IFT172: variants seen among roughly 807,000 people sequenced by gnomAD.
The protein encoded by IFT172 is intraflagellar transport protein 172 homolog.
Under a neutral mutation model 248.9 loss-of-function variants are expected in IFT172, and 164 were observed. The ratio of observed to expected loss-of-function variants is 0.66; its 90% CI spans 0.58 to 0.75. The LOEUF is 0.75. Ranked by LOEUF, IFT172 falls within the 30% of genes least tolerant of loss-of-function variation. The probability of loss-of-function intolerance (pLI) is 0.00; values close to 1 mark genes in which losing one functional copy is unlikely to be tolerated. For synonymous variants in IFT172, 729 were observed against 791.6 expected (o/e 0.92, Z 1.33); for missense variants, 1,950 against 2,192.4 (o/e 0.89, Z 2.21).
intron 20 of IFT172, 139 bp from the exon 21 acceptor site, chr2:27,461,975 G>A: frequency 2.5e-6 from 2 of 785,102 alleles, no homozygotes; most frequent in East Asian, 2.6e-5. Context: ...AGAAATACTG[G>A]GAAACTAAAA....
Position 27,454,259 on chromosome 2 carries a change from T to C in IFT172, c.3530+95A>G. The C allele has an allele frequency of 6.2e-7, 1 of 1,602,736 alleles. No individual in the cohort carries two copies. The highest frequency in any genetic ancestry group is 1.3e-5 in the African/African-American group (1 of 74,792). On this transcript the variant is annotated intron_variant, in intron 32 of 47. Coordinates refer to ENST00000260570, the MANE Select transcript of IFT172 (RefSeq NM_015662.3). The surrounding 1 kb of genome is among the most constrained non-coding windows in gnomAD (Gnocchi z 4.2). ...ATGTCACTGAGGGGTGTAACACTGA[T>C]TTGTTCTAGGTTTGAATGAAGGTCA...
intron 35 of IFT172, among the ~76,000 whole-genome samples, chr2:27,452,182 G>A (rs1175929621): frequency 1.3e-5 from 2 of 152,112 alleles, no homozygotes; most frequent in African/African-American, 4.8e-5. Flanking sequence ...ATCATTTCAA[G>A]GCATGAACAG....
At chr2:27,470,797 C>G (rs950363567) in intron 16 of IFT172, 131 bp downstream of exon 16, 1 of 881,084 alleles carries the variant, frequency 1.1e-6, no homozygotes, top group Non-Finnish European at 1.6e-6. Context: ...TAAGTCTAAG[C>G]TTTATTTGCC....
intron 16 of IFT172, among the ~76,000 whole-genome samples, chr2:27,469,299 G>A (rs1306213554): frequency 6.6e-6 from 1 of 151,996 alleles, no homozygotes; most frequent in African/African-American, 2.4e-5. Flanking sequence ...ACGCTGAGGT[G>A]GGAGAATCAC....
At chr2:27,461,974 G>T in intron 20 of IFT172, 138 bp from the exon 21 acceptor site, 1 of 788,874 alleles carries the variant, frequency 1.3e-6, no homozygotes, top group South Asian at 1.7e-5. Context: ...CAGAAATACT[G>T]GGAAACTAAA....
At chr2:27,447,735 T>C in intron 41 of IFT172, 77 bp downstream of exon 41, 1 of 1,605,062 alleles carries the variant, frequency 6.2e-7, no homozygotes, top group Non-Finnish European at 8.5e-7. Context: ...GTAAAATACA[T>C]CTGAGAATAA....
rs752345187 is a variant in IFT172, at chr2:27,445,838, G to A, written c.4821C>T (p.Ile1607=). 5.6e-6 allele frequency: 9 copies of A among 1,613,988 alleles called. No homozygotes were observed. Among genetic ancestry groups the A allele is most frequent in the East Asian group, 4.5e-5 (2 of 44,896 alleles). The change falls in exon 45 of 48, where the codon ATC becomes ATT. Residue 1607 remains isoleucine, a synonymous_variant. Coordinates refer to ENST00000260570, the MANE Select transcript of IFT172 (RefSeq NM_015662.3). The surrounding 1 kb of genome is among the most constrained non-coding windows in gnomAD (Gnocchi z 4.4). The stretch of plus-strand genomic sequence containing the variant: ...CAAGGCCATCTAGAGTCCCTTCCTC[G>A]ATTGCCTGCAGTAGAGTGGGCAACC... The part of the protein sequence containing the change: ...LNRFLDLTDA[I]EEGTLDGLDH...
intron 16 of IFT172, among the ~76,000 whole-genome samples, chr2:27,469,287 G>A (rs1347949834): frequency 6.6e-6 from 1 of 152,122 alleles, no homozygotes; most frequent in Non-Finnish European, 1.5e-5. Flanking sequence ...CAGCTTCTCA[G>A]GACGCTGAGG....
At position 27,481,155 on chromosome 2, in the gene IFT172, C is replaced by A. The variant is rs759886744; in HGVS notation, c.676G>T (p.Gly226Cys). Reference sequence around the variant, plus strand: ...TAATCAAAAGTTTGTAGCATGTGACCTTCTTTTCCATAGGCTACAATTTTC... The same window carrying A: ...TAATCAAAAGTTTGTAGCATGTGACATTCTTTTCCATAGGCTACAATTTTC... The part of the protein sequence containing the change: ...DRKIVAYGKE[G>C]HMLQTFDYSR... Residue 226 changes from glycine to cysteine, a missense_variant, in exon 8 of 48, where the codon GGT becomes TGT. Coordinates refer to ENST00000260570, the MANE Select transcript of IFT172 (RefSeq NM_015662.3). 3 of 1,613,738 alleles carry A rather than the reference C, an allele frequency of 1.9e-6. No homozygotes were observed. The South Asian group carries it at 3.3e-5, about 18-fold the overall frequency.
intron 16 of IFT172, among the ~76,000 whole-genome samples, chr2:27,469,260 G>C (rs1431799152): frequency 1.3e-5 from 2 of 152,074 alleles, no homozygotes; most frequent in Admixed American, 1.3e-4. Context: ...AGGCATGGTG[G>C]CACATGCCTG....
intron 42 of IFT172, 76 bp from the exon 43 acceptor site, chr2:27,446,431 G>T: frequency 8.0e-7 from 1 of 1,254,496 alleles, no homozygotes. Context: ...CTGTAAGGCA[G>T]CCACAGAACT....
At chr2:27,458,465 T>G (rs1183217335) in intron 26 of IFT172, among the ~76,000 whole-genome samples, 1 of 152,088 alleles carries the variant, frequency 6.6e-6, no homozygotes, top group Non-Finnish European at 1.5e-5. Flanking sequence ...ATTACCACGG[T>G]AACCACTGGA....
Position 27,445,907 on chromosome 2 carries a change from G to A in IFT172, c.4815+22C>T, listed in dbSNP as rs1341868137. ...GCGACTGGCAAAAACCTCCACCCTC[G>A]GGGCACAGCTTCCCTACTCACATCG... On this transcript the variant is annotated intron_variant, in intron 44 of 47. Coordinates refer to ENST00000260570, the MANE Select transcript of IFT172 (RefSeq NM_015662.3). The surrounding 1 kb of genome is among the most constrained non-coding windows in gnomAD (Gnocchi z 4.4). The A allele has an allele frequency of 1.9e-6, 3 of 1,614,156 alleles. No homozygotes were observed. Among genetic ancestry groups the A allele is most frequent in the East Asian group, 4.5e-5 (2 of 44,882 alleles).
At chr2:27,462,667 C>T (rs1402262756) in intron 20 of IFT172, 34 bp downstream of exon 20, 2 of 1,571,032 alleles carry the variant, frequency 1.3e-6, no homozygotes, top group Admixed American at 1.7e-5. Flanking sequence ...TCCCTCATAT[C>T]CCCTCTTCCA....
Position 27,485,894 on chromosome 2 carries a change from TGAGA to T in IFT172, c.40-395_40-392del, listed in dbSNP as rs1020379976. 5.3e-5 allele frequency among the ~76,000 whole-genome samples: 8 copies of T among 152,340 alleles called. No homozygotes were observed. The East Asian group carries it at 1.2e-3, about 22-fold the overall frequency. On this transcript the variant is annotated intron_variant, in intron 1 of 47. Transcript: ENST00000260570. ...TTGATCAAGGCACTTGGCCAGGGGC[TGAGA>T]GAGAGACAAAAAGCAAACCATAGAT...
intron 20 of IFT172, 150 bp downstream of exon 20, chr2:27,462,551 G>A (rs1486993844): frequency 1.6e-6 from 1 of 636,432 alleles, no homozygotes; most frequent in African/African-American, 1.8e-5. Flanking sequence ...AGAAAAGGGT[G>A]AAATTAACTA....
At chr2:27,472,835 T>C (rs1411527249) in intron 14 of IFT172, among the ~76,000 whole-genome samples, 3 of 152,188 alleles carry the variant, frequency 2.0e-5, no homozygotes, top group African/African-American at 7.2e-5. Flanking sequence ...AATATTTTAG[T>C]TTGGTTTGAA....
At position 27,445,346 on chromosome 2, in the gene IFT172, G is replaced by A. The variant is rs767672341; in HGVS notation, c.5018C>T (p.Ser1673Phe). ...AACACCAGTGCTCGCTGCCACTAGG[G>A]AGGCCTCGTAGGCGCCACGCTCATC... The part of the protein sequence containing the change: ...PRDERGAYEA[S>F]LVAASTGVRA... Residue 1673 changes from serine to phenylalanine, a missense_variant, in exon 46 of 48, where the codon TCC becomes TTC. Physicochemically the swap from Ser to Phe is radical, Grantham distance 155. Transcript: ENST00000260570. The surrounding 1 kb of genome is among the most constrained non-coding windows in gnomAD (Gnocchi z 4.4). 1 of 1,613,354 alleles carries A rather than the reference G, an allele frequency of 6.2e-7. No individual in the cohort carries two copies. The highest frequency in any genetic ancestry group is 1.3e-5 in the African/African-American group (1 of 74,866).
chr2:27,458,548 C>T (rs545103249), intron 26 of IFT172, among the ~76,000 whole-genome samples: 7 of 152,290 alleles, frequency 4.6e-5, no homozygotes, highest in African/African-American at 1.7e-4. Context: ...TCAGATTCCC[C>T]AGCTCCCAAG....
Sources: gnomAD v4.1 joint callset for allele counts (sites outside exome capture counted in the v4.1 genomes callset) on GRCh38, gnomAD v4.1.1 for gene constraint, Gnocchi (gnomAD v3.1) non-coding constraint, MANE v1.5 for transcripts, NCBI Gene and HGNC (gene_info 2026-07-23, HGNC 2026-07-21) for gene names.